RARB: variants seen among roughly 807,000 people sequenced by gnomAD.
The protein encoded by RARB is retinoic acid receptor beta.
A neutral mutation model predicts 51.9 loss-of-function variants in RARB; 17 were observed. That is an observed-to-expected ratio of 0.33 (90% CI 0.22 to 0.49). RARB has a LOEUF of 0.49. Among genes scored for constraint, RARB ranks in the 20% least tolerant of loss-of-function variants. The pLI is 0.99. For missense variants in RARB, 369 were observed against 550.8 expected (o/e 0.67, Z 3.30); for synonymous variants, 215 against 195.4 (o/e 1.10, Z -0.84).
At chr3:24,983,433 G>A (rs748972393) in intron 2 of RARB, among the ~76,000 whole-genome samples, 6 of 151,952 alleles carry the variant, frequency 3.9e-5, no homozygotes, top group African/African-American at 1.5e-4. Flanking sequence ...TTGTTACATA[G>A]GTATACATGT....
At chr3:25,255,678 CTT>C (rs1244800926) in intron 5 of RARB, among the ~76,000 whole-genome samples, 5 of 152,028 alleles carry the variant, frequency 3.3e-5, no homozygotes, top group African/African-American at 9.7e-5. Flanking sequence ...TGTAGAGAGA[CTT>C]TGCGTTATAT....
chr3:25,172,263 A>G (rs1284514637), intron 4 of RARB, among the ~76,000 whole-genome samples: 1 of 152,234 alleles, frequency 6.6e-6, no homozygotes, highest in East Asian at 1.9e-4. Flanking sequence ...TACAACCAGC[A>G]TAACAGGCGT....
At position 24,859,337 on chromosome 3, in the gene RARB, G is replaced by C. The variant is rs1483437136; in HGVS notation, c.-380+585G>C. 2.6e-5 allele frequency among the ~76,000 whole-genome samples: 4 copies of C among 152,072 alleles called. No individual in the cohort carries two copies. In the East Asian group the frequency reaches 5.8e-4, roughly 22 times the overall value. Reference sequence around the variant, plus strand: ...ACTGAGAAAGTGGGAATGGATTCAGGGGGTGGAACTTCGTTTTACAGCCAT... The same window carrying C: ...ACTGAGAAAGTGGGAATGGATTCAGCGGGTGGAACTTCGTTTTACAGCCAT... On this transcript the variant is annotated intron_variant, in intron 2 of 11. Coordinates refer to the RARB transcript ENST00000383772.
intron 3 of RARB, among the ~76,000 whole-genome samples, chr3:25,510,135 T>C (rs1431205939): frequency 6.6e-6 from 1 of 152,216 alleles, no homozygotes; most frequent in African/African-American, 2.4e-5. Context: ...ATATTCTGAT[T>C]CAGTTTCCTG....
At chr3:25,015,495 T>A (rs2125281972) in intron 2 of RARB, among the ~76,000 whole-genome samples, 1 of 152,292 alleles carries the variant, frequency 6.6e-6, no homozygotes, top group African/African-American at 2.4e-5. Context: ...CTTTTATGTG[T>A]AAGATTTTAG....
chr3:25,075,421 T>C (rs1437657235), intron 3 of RARB, among the ~76,000 whole-genome samples: 2 of 152,150 alleles, frequency 1.3e-5, no homozygotes, highest in Admixed American at 6.5e-5. Context: ...AGTCTGGAAG[T>C]GGCAAAAGAG....
intron 3 of RARB, among the ~76,000 whole-genome samples, chr3:25,064,946 A>G (rs6804842): frequency 0.53 from 80,352 of 151,938 alleles, 21,821 homozygotes; most frequent in East Asian, 0.64. Flanking sequence ...ACACTAACCC[A>G]GCTTATGTGA....
At chr3:25,160,260 A>G (rs888229441) in intron 4 of RARB, among the ~76,000 whole-genome samples, 1 of 152,252 alleles carries the variant, frequency 6.6e-6, no homozygotes, top group Non-Finnish European at 1.5e-5. Context: ...AAAGTGGAGA[A>G]AGCGAAATAG....
chr3:25,098,443 C>T (rs1472185806), intron 3 of RARB, among the ~76,000 whole-genome samples: 1 of 152,114 alleles, frequency 6.6e-6, no homozygotes. Context: ...AAGATGAAGT[C>T]AGTGGTGCAG....
intron 3 of RARB, among the ~76,000 whole-genome samples, chr3:25,125,848 T>C (rs1699851944): frequency 6.6e-6 from 1 of 152,162 alleles, no homozygotes; most frequent in South Asian, 2.1e-4. Context: ...TACAGTGATA[T>C]CAGCACCACT....
intron 4 of RARB, among the ~76,000 whole-genome samples, chr3:25,580,288 C>T (rs1701116574): frequency 6.6e-6 from 1 of 152,306 alleles, no homozygotes; most frequent in East Asian, 1.9e-4. Flanking sequence ...GCAGGAGAAT[C>T]GTTTGAACCC....
intron 5 of RARB, among the ~76,000 whole-genome samples, chr3:25,347,138 G>T (rs1454574700): frequency 3.3e-5 from 5 of 152,174 alleles, no homozygotes; most frequent in Non-Finnish European, 5.9e-5. Flanking sequence ...CCCCAGCAAG[G>T]TTTAGCTGTC....
At chr3:24,972,170 G>A (rs1304420592) in intron 2 of RARB, among the ~76,000 whole-genome samples, 3 of 151,600 alleles carry the variant, frequency 2.0e-5, no homozygotes, top group Non-Finnish European at 2.9e-5. Flanking sequence ...CTGGCCTCTC[G>A]TCACCACCAA....
intron 5 of RARB, among the ~76,000 whole-genome samples, chr3:25,315,827 C>G (rs953089121): frequency 1.3e-5 from 2 of 151,958 alleles, no homozygotes; most frequent in African/African-American, 2.4e-5. Flanking sequence ...CTATGTTACC[C>G]AGGCTGGTCT....
chr3:25,536,014 C>G (rs750632307), intron 3 of RARB, among the ~76,000 whole-genome samples: 1 of 152,068 alleles, frequency 6.6e-6, no homozygotes, highest in Non-Finnish European at 1.5e-5. Context: ...AAGCTATTAG[C>G]GAAGGTGAGG....
chr3:25,083,196 C>A (rs1699042409), intron 3 of RARB, among the ~76,000 whole-genome samples: 1 of 151,770 alleles, frequency 6.6e-6, no homozygotes, highest in Admixed American at 6.6e-5. Context: ...AAAATGTATT[C>A]TGATATAATT....
At chr3:25,159,416 C>T (rs1045797338) in intron 4 of RARB, among the ~76,000 whole-genome samples, 17 of 150,932 alleles carry the variant, frequency 1.1e-4, no homozygotes, top group South Asian at 4.2e-4. Context: ...TGATCCACCC[C>T]CCCCGCTCCC....
At chr3:25,593,219 A>G (rs964948542) in intron 5 of RARB, among the ~76,000 whole-genome samples, 1 of 151,606 alleles carries the variant, frequency 6.6e-6, no homozygotes, top group Non-Finnish European at 1.5e-5. Flanking sequence ...ATAATTAGGC[A>G]CTCAGTAAAT....
At chr3:25,247,264 G>A (rs1702585929) in intron 5 of RARB, among the ~76,000 whole-genome samples, 1 of 152,200 alleles carries the variant, frequency 6.6e-6, no homozygotes, top group Non-Finnish European at 1.5e-5. Context: ...GGCTCTGTGG[G>A]ACTGGGATCC....
Sources: allele counts gnomAD v4.1 joint callset (sites outside exome capture counted in the v4.1 genomes callset), GRCh38; gene constraint gnomAD v4.1.1; transcripts MANE v1.5; gene names NCBI Gene and HGNC (gene_info 2026-07-23, HGNC 2026-07-21).